Variants in PRKD3 observed in about 807,000 individuals in gnomAD.
PRKD3 encodes serine/threonine-protein kinase D3.
In PRKD3, 47 loss-of-function variants were observed where a neutral mutation model predicts 99.2. The observed-to-expected ratio is 0.47, with a 90% CI of 0.38 to 0.60. The LOEUF (loss-of-function observed/expected upper bound fraction) is 0.60. Ranked by LOEUF, PRKD3 falls within the 20% of genes least tolerant of loss-of-function variation. PRKD3 has a pLI of 0.00. For missense variants in PRKD3, 1,019 were observed against 1,088.4 expected (o/e 0.94, Z 0.90); for synonymous variants, 392 against 355.4 (o/e 1.10, Z -1.16).
chr2:37,254,135 T>C, intron 18 of PRKD3, 69 bp downstream of exon 18: 1 of 1,153,450 alleles, frequency 8.7e-7, no homozygotes, highest in South Asian at 1.2e-5. Context: ...AGTGGTCTCA[T>C]TAGGTGGGAC....
chr2:37,282,776 C>T (rs771515246), intron 6 of PRKD3, among the ~76,000 whole-genome samples, 157 bp from the exon 7 acceptor site: 6 of 151,610 alleles, frequency 4.0e-5, no homozygotes, highest in Admixed American at 2.6e-4. Context: ...CCCTCTGCAC[C>T]CCCCCATCAT....
In PRKD3 at chr2:37,282,620, C is replaced by T; in HGVS notation, c.911-1G>A. On this transcript the variant is annotated splice_acceptor_variant, in intron 6 of 18. Transcript: ENST00000234179. LOFTEE classifies it high-confidence loss of function. ...CGTTTATGGCAGTTGAATTTGCAAT[C>T]TAAAATGAAAATATTCAGCATATTA... The T allele has an allele frequency of 6.3e-7, 1 of 1,586,414 alleles. No individual in the cohort carries two copies. The highest frequency in any genetic ancestry group is 8.7e-7 in the Non-Finnish European group (1 of 1,155,194).
intron 2 of PRKD3, among the ~76,000 whole-genome samples, chr2:37,293,835 TA>T (rs1442985006): frequency 6.6e-6 from 1 of 152,216 alleles, no homozygotes; most frequent in Non-Finnish European, 1.5e-5. Context: ...TTTCATACTG[TA>T]GCCCTTCTTT....
At chr2:37,272,534 C>A in intron 11 of PRKD3, 102 bp from the exon 12 acceptor site, 4 of 1,400,756 alleles carry the variant, frequency 2.9e-6, no homozygotes, top group Non-Finnish European at 2.8e-6. Context: ...AAGTTTAGCA[C>A]ACAGTTAATA....
At chr2:37,284,983 C>CAATT (rs1215946553) in intron 6 of PRKD3, among the ~76,000 whole-genome samples, 1 of 152,126 alleles carries the variant, frequency 6.6e-6, no homozygotes, top group East Asian at 1.9e-4. Flanking sequence ...AGCTTATATA[C>CAATT]AATTATCTTA....
chr2:37,255,457 G>C (rs1163533204), intron 17 of PRKD3, among the ~76,000 whole-genome samples: 5 of 152,158 alleles, frequency 3.3e-5, no homozygotes, highest in Admixed American at 6.5e-5. Flanking sequence ...GCAGACTAAA[G>C]AGGGCCAGCC....
intron 13 of PRKD3, 121 bp from the exon 14 acceptor site, chr2:37,267,657 C>T: frequency 1.3e-6 from 1 of 747,462 alleles, no homozygotes; most frequent in Non-Finnish European, 2.2e-6. Context: ...CATTTTTGTT[C>T]TTTCTCCACA....
chr2:37,252,800 GCTTGA>G lies in PRKD3; in HGVS notation c.*372_*376del, dbSNP rs1667598504. On this transcript the variant is annotated 3_prime_UTR_variant, in exon 19 of 19. Coordinates refer to ENST00000234179, the MANE Select transcript of PRKD3 (RefSeq NM_005813.6). ...CAAGCTATATAGTAACTGGATGCTA[GCTTGA>G]CTTGTTTTTCATTAAAAAAACAAAC... 6.7e-6 allele frequency: 1 copy of G among 149,254 alleles called. No individual in the cohort carries two copies. Among genetic ancestry groups the G allele is most frequent in the Non-Finnish European group, 1.5e-5 (1 of 67,602 alleles). The allele number at this position is 149,254 out of a possible 1,614,324, so 9.2% of individuals were successfully genotyped here. A position where few individuals can be genotyped will look rare whatever the true frequency, so the allele number is the denominator to read the frequency against.
At position 37,316,336 on chromosome 2, in the gene PRKD3, T is replaced by G. The variant is rs765523503; in HGVS notation, c.189A>C (p.Leu63=). The G allele has an allele frequency of 6.2e-6, 10 of 1,614,222 alleles. No individual in the cohort carries two copies. Among genetic ancestry groups the G allele is most frequent in the Non-Finnish European group, 7.6e-6 (9 of 1,180,044 alleles). ...TCTCCCGTGTGAGGCCAATTTGCAG[T>G]AGAAATGAAACTGTATGCACTGAGC... is the stretch of plus-strand genomic sequence containing the variant. ...SRGSVHTVSF[L]LQIGLTRESV... Residue 63 remains leucine (L), a synonymous_variant, in exon 2 of 19, where the codon CTA becomes CTC. Transcript: ENST00000234179.
rs1471793414 is a variant in PRKD3 at position 37,324,788 on chromosome 2, C to A, written c.-763G>T. On this transcript the variant is annotated 5_prime_UTR_variant, in exon 1 of 19. Transcript: ENST00000234179. ...CTCGCAGGATCCCGCCCGCCTCCGG[C>A]GCCCCTTCCTCCCTCCCTCCCCGTC... 4 of 150,904 alleles carry A rather than the reference C, an allele frequency of 2.7e-5. No individual in the cohort carries two copies. Among genetic ancestry groups the A allele is most frequent in the African/African-American group, 9.7e-5 (4 of 41,304 alleles). 9.3% of individuals were successfully genotyped at this position (150,904 alleles called of 1,614,324 possible). A position where few individuals can be genotyped will look rare whatever the true frequency, so the allele number is the denominator to read the frequency against.
At chr2:37,323,727 G>A (rs1301063418) in intron 1 of PRKD3, among the ~76,000 whole-genome samples, 4 of 152,200 alleles carry the variant, frequency 2.6e-5, no homozygotes, top group Non-Finnish European at 5.9e-5. Context: ...TACAAATTAA[G>A]GCATTTAAAA....
Position 37,256,628 on chromosome 2 carries a change from ATTTTTTTTTTTTTTTTTTTT to A in PRKD3, c.2413+14_2413+33del. The A allele has an allele frequency of 8.4e-7, 1 of 1,196,940 alleles. No individual in the cohort carries two copies. Among genetic ancestry groups the A allele is most frequent in the Non-Finnish European group, 1.1e-6 (1 of 926,022 alleles). 74.1% of individuals were successfully genotyped at this position (1,196,940 alleles called of 1,614,324 possible). On this transcript the variant is annotated intron_variant, in intron 17 of 18. Transcript: ENST00000234179. ...TTTAGGCTTAAAACACATAGCCAAA[ATTTTTTTTTTTTTTTTTTTT>A]TTTTTTTTTTTACCTTCACCAGAAA... is the stretch of plus-strand genomic sequence containing the variant.
intron 2 of PRKD3, among the ~76,000 whole-genome samples, chr2:37,302,094 C>A (rs539815273): frequency 4.6e-5 from 7 of 152,166 alleles, no homozygotes; most frequent in Non-Finnish European, 1.0e-4. Context: ...AAGTTGGCAA[C>A]CTTTTGAAAA....
In PRKD3 at chr2:37,275,190, C is replaced by CA. The variant is rs35852116; in HGVS notation, c.1375-494dup. ...TATATTTTTAGTCCACTTCCTAAGG[C>CA]AAAAAAAAAAACTTACTAAAAACAA... is the stretch of plus-strand genomic sequence containing the variant. On this transcript the variant is annotated intron_variant, in intron 10 of 18. Transcript: ENST00000234179. 5.2e-3 allele frequency among the ~76,000 whole-genome samples: 757 copies of CA among 145,736 alleles called. 4 individuals carry two copies. Among genetic ancestry groups the CA allele is most frequent in the South Asian group, 0.011 (52 of 4,684 alleles).
intron 5 of PRKD3, among the ~76,000 whole-genome samples, chr2:37,287,175 A>G (rs1306782567): frequency 3.9e-5 from 5 of 129,656 alleles, no homozygotes; most frequent in Non-Finnish European, 7.8e-5. Flanking sequence ...GGTTCCGGTA[A>G]GCCGAGATCA....
At chr2:37,287,944 A>T (rs912693248) in intron 5 of PRKD3, among the ~76,000 whole-genome samples, 3 of 152,206 alleles carry the variant, frequency 2.0e-5, no homozygotes, top group African/African-American at 4.8e-5. Flanking sequence ...ACTAAAGTAA[A>T]CCCTGAAAGC....
In PRKD3 at chr2:37,317,164, C is replaced by G; in HGVS notation, c.-640G>C. 1 of 984,156 alleles carries G rather than the reference C, an allele frequency of 1.0e-6. No individual in the cohort carries two copies. Among genetic ancestry groups the G allele is most frequent in the South Asian group, 4.7e-5 (1 of 21,236 alleles). 61.0% of individuals were successfully genotyped at this position (984,156 alleles called of 1,614,324 possible). A position where few individuals can be genotyped will look rare whatever the true frequency, so the allele number is the denominator to read the frequency against. On this transcript the variant is annotated 5_prime_UTR_variant, in exon 2 of 19. Transcript: ENST00000234179. ...GTCCATCGAGAAAAGCTGATGCTTTCTGACATATAGTTAGCCTGGAAGGAA... is the reference window on the plus strand; with the variant it reads ...GTCCATCGAGAAAAGCTGATGCTTTGTGACATATAGTTAGCCTGGAAGGAA...
At position 37,303,039 on chromosome 2, in the gene PRKD3, C is replaced by T. The variant is rs1236275991; in HGVS notation, c.289-9768G>A. Among the ~76,000 whole-genome samples the T allele has an allele frequency of 2.0e-5, 3 of 152,192 alleles. No individual in the cohort carries two copies. The South Asian group carries it at 6.2e-4, about 31-fold the overall frequency. ...TACGGCCGGCCCCACGGCCCAACCC[C>T]TGTCCTGTGCCTATAAAGACCCCAG... On this transcript the variant is annotated intron_variant, in intron 2 of 18. Coordinates refer to ENST00000234179, the MANE Select transcript of PRKD3 (RefSeq NM_005813.6).
chr2:37,287,102 T>C (rs1323601071), intron 5 of PRKD3, among the ~76,000 whole-genome samples: 1 of 151,554 alleles, frequency 6.6e-6, no homozygotes, highest in Non-Finnish European at 1.5e-5. Context: ...TGGGGGTGCA[T>C]GCCTGTAATC....
Sources: allele counts gnomAD v4.1 joint callset (sites outside exome capture counted in the v4.1 genomes callset), GRCh38; gene constraint gnomAD v4.1.1; transcripts MANE v1.5; gene names NCBI Gene and HGNC (gene_info 2026-07-23, HGNC 2026-07-21).